The following SLC22A23 variants were observed in gnomAD, a reference collection of about 807,000 sequenced individuals.
SLC22A23 encodes solute carrier family 22 member 23.
A neutral mutation model predicts 61.0 loss-of-function variants in SLC22A23; 26 were observed. That is an observed-to-expected ratio of 0.43 (90% CI 0.31 to 0.59). The LOEUF is 0.59. Ranked by LOEUF, SLC22A23 falls within the 20% of genes least tolerant of loss-of-function variation. The pLI is 0.11. For missense variants in SLC22A23, 796 were observed against 934.7 expected (o/e 0.85, Z 1.94); for synonymous variants, 430 against 413.9 (o/e 1.04, Z -0.47).
At chr6:3,405,337 T>C (rs1045732601) in intron 3 of SLC22A23, among the ~76,000 whole-genome samples, 5 of 152,054 alleles carry the variant, frequency 3.3e-5, no homozygotes, top group African/African-American at 1.2e-4. Context: ...AATAGCCTTG[T>C]GAGTGGAGTT....
intron 5 of SLC22A23, among the ~76,000 whole-genome samples, chr6:3,294,205 A>G (rs981649312): frequency 2.0e-5 from 3 of 152,150 alleles, no homozygotes; most frequent in Non-Finnish European, 4.4e-5. Flanking sequence ...GATGAGATAC[A>G]TATGAAGCGC....
In SLC22A23 at chr6:3,308,545, T is replaced by C. The variant is rs1168730889; in HGVS notation, c.1083-10327A>G. On this transcript the variant is annotated intron_variant, in intron 4 of 9. Transcript: ENST00000406686. The surrounding 1 kb of genome is among the most constrained non-coding windows in gnomAD (Gnocchi z 5.1). ...GAGGTCTTGAATAAAAGCACATTAA[T>C]TCCTACTTGTGAGGGGAGGGCACTA... Among the ~76,000 whole-genome samples the C allele has an allele frequency of 6.6e-6, 1 of 152,198 alleles. No individual in the cohort carries two copies. The highest frequency in any genetic ancestry group is 1.5e-5 in the Non-Finnish European group (1 of 68,028).
rs1355873430 is a variant in SLC22A23, at chr6:3,410,444, G to C, written c.759-102C>G. ...AGCAGGCACTCAATATATGTTGAAT[G>C]AGTACTGGGTAAAAAGTCCTGTGCC... On this transcript the variant is annotated intron_variant, in intron 2 of 9. Transcript: ENST00000406686. This position sits in a 1 kb window ranked among gnomAD's most constrained non-coding sequence, Gnocchi z 5.0. 2.1e-5 allele frequency: 27 copies of C among 1,273,000 alleles called. No individual in the cohort carries two copies. In the Admixed American group the frequency reaches 6.6e-4, roughly 31 times the overall value. The allele number at this position is 1,273,000 out of a possible 1,614,324, so 78.9% of individuals were successfully genotyped here. A position where few individuals can be genotyped will look rare whatever the true frequency, so the allele number is the denominator to read the frequency against.
intron 3 of SLC22A23, among the ~76,000 whole-genome samples, chr6:3,408,456 G>A (rs894768145): frequency 6.6e-6 from 1 of 152,190 alleles, no homozygotes; most frequent in Non-Finnish European, 1.5e-5. Context: ...TTCACTCCTG[G>A]TCTGGCTTCA....
At chr6:3,365,566 T>C (rs1335684690) in intron 3 of SLC22A23, among the ~76,000 whole-genome samples, 1 of 152,142 alleles carries the variant, frequency 6.6e-6, no homozygotes, top group East Asian at 1.9e-4. Flanking sequence ...CCTGATGCCC[T>C]TGCGTAGCAC....
chr6:3,292,076 C>T (rs903948321), intron 5 of SLC22A23: 6 of 152,180 alleles, frequency 3.9e-5, no homozygotes, highest in African/African-American at 1.4e-4. Context: ...TTTCAGGAAG[C>T]ACATGAAGCG....
chr6:3,374,730 A>T (rs963206620), intron 3 of SLC22A23, among the ~76,000 whole-genome samples: 16 of 152,214 alleles, frequency 1.1e-4, no homozygotes, highest in East Asian at 9.6e-4. Flanking sequence ...CAAGGAGCTG[A>T]CAAGTTGCTG....
chr6:3,295,843 G>A (rs993655250), intron 5 of SLC22A23, among the ~76,000 whole-genome samples: 5 of 152,154 alleles, frequency 3.3e-5, no homozygotes, highest in African/African-American at 1.2e-4. Flanking sequence ...CCTGAGGACC[G>A]CTCCCCAAGG....
intron 4 of SLC22A23, 116 bp from the exon 5 acceptor site, chr6:3,298,334 C>T (rs72839355): frequency 0.34 from 402,418 of 1,169,700 alleles, 73,279 homozygotes; most frequent in Non-Finnish European, 0.37. Context: ...TCTCCAGACA[C>T]GCATCAGCCC....
intron 4 of SLC22A23, 81 bp downstream of exon 4, chr6:3,323,753 T>C: frequency 2.8e-6 from 4 of 1,453,794 alleles, no homozygotes; most frequent in Non-Finnish European, 3.7e-6. Context: ...AGTGTGGGGA[T>C]TGTGTGTCCT....
chr6:3,306,233 C>A (rs1761965640), intron 4 of SLC22A23, among the ~76,000 whole-genome samples: 1 of 152,140 alleles, frequency 6.6e-6, no homozygotes, highest in Admixed American at 6.5e-5. Context: ...GGGGAGCGTA[C>A]CAAGCCCAAG....
intron 1 of SLC22A23, among the ~76,000 whole-genome samples, chr6:3,428,032 A>G (rs537384967): frequency 9.1e-4 from 139 of 152,358 alleles, no homozygotes; most frequent in African/African-American, 3.2e-3. Context: ...GAGTTTCCTC[A>G]GATAGAACCT....
At chr6:3,402,272 A>G (rs1050852686) in intron 3 of SLC22A23, among the ~76,000 whole-genome samples, 2 of 152,208 alleles carry the variant, frequency 1.3e-5, no homozygotes, top group South Asian at 2.1e-4. Flanking sequence ...AGCCTGAGAC[A>G]TTTCTCCAAA....
At chr6:3,371,826 A>G (rs1421138035) in intron 3 of SLC22A23, among the ~76,000 whole-genome samples, 1 of 152,098 alleles carries the variant, frequency 6.6e-6, no homozygotes. Context: ...ATATTATCTA[A>G]CCTAAGATGC....
intron 1 of SLC22A23, chr6:3,432,467 G>A: frequency 1.1e-6 from 1 of 892,648 alleles, no homozygotes; most frequent in Non-Finnish European, 1.3e-6. Flanking sequence ...ACCAGGCAGA[G>A]GGAGGACTTC....
intron 9 of SLC22A23, 56 bp from the exon 10 acceptor site, chr6:3,273,468 G>A (rs987554331): frequency 1.0e-4 from 158 of 1,583,366 alleles, no homozygotes; most frequent in African/African-American, 1.5e-4. Context: ...GCTGGATCCC[G>A]GGAAAGCTCG....
intron 1 of SLC22A23, among the ~76,000 whole-genome samples, chr6:3,439,637 G>T (rs1379307188): frequency 6.6e-6 from 1 of 152,234 alleles, no homozygotes; most frequent in East Asian, 1.9e-4. Flanking sequence ...TTTTATTCTT[G>T]TCATCTTAGA....
intron 3 of SLC22A23, among the ~76,000 whole-genome samples, chr6:3,373,405 C>A (rs1414442508): frequency 6.6e-6 from 1 of 152,186 alleles, no homozygotes; most frequent in Non-Finnish European, 1.5e-5. Flanking sequence ...TAAATCATAG[C>A]CACATGTACA....
At chr6:3,340,026 T>C (rs1764063300) in intron 3 of SLC22A23, among the ~76,000 whole-genome samples, 1 of 152,054 alleles carries the variant, frequency 6.6e-6, no homozygotes, top group African/African-American at 2.4e-5. Context: ...ACATATGAAA[T>C]TAAAAATGTG....
Sources: gnomAD v4.1 joint callset for allele counts (sites outside exome capture counted in the v4.1 genomes callset) on GRCh38, gnomAD v4.1.1 for gene constraint, Gnocchi (gnomAD v3.1) non-coding constraint, MANE v1.5 for transcripts, NCBI Gene and HGNC (gene_info 2026-07-23, HGNC 2026-07-21) for gene names.